KIAA1958: variants seen among roughly 807,000 people sequenced by gnomAD.
KIAA1958 encodes uncharacterized protein KIAA1958.
A neutral mutation model predicts 47.2 loss-of-function variants in KIAA1958; 14 were observed. The observed-to-expected ratio is 0.30, with a 90% CI of 0.20 to 0.46. The LOEUF (loss-of-function observed/expected upper bound fraction) is 0.46, where lower values mean the gene tolerates loss of function less well. KIAA1958 is among the 20% of genes least tolerant of loss of function. KIAA1958 has a pLI of 1.00. For missense variants in KIAA1958, 803 were observed against 909.2 expected (o/e 0.88, Z 1.50); for synonymous variants, 354 against 353.3 (o/e 1.00, Z -0.02).
Position 112,623,824 on chromosome 9 carries a change from A to T in KIAA1958, c.1172-21826A>T, listed in dbSNP as rs114305030. The stretch of plus-strand genomic sequence containing the variant: ...GGTCTAGGCAGAGGGACTGCCTATA[A>T]GCCAGTATCGATTGCCATTGACCAG... On this transcript the variant is annotated intron_variant, in intron 2 of 3. Transcript: ENST00000337530. 5.9e-3 allele frequency among the ~76,000 whole-genome samples: 905 copies of T among 152,332 alleles called. 14 individuals carry two copies. The highest frequency in any genetic ancestry group is 0.02 in the African/African-American group (849 of 41,568).
intron 1 of KIAA1958, among the ~76,000 whole-genome samples, chr9:112,494,743 C>T (rs1834023666): frequency 6.6e-6 from 1 of 152,140 alleles, no homozygotes. Context: ...GCTGGGATTA[C>T]AGGTGTGAGC....
chr9:112,646,460 G>A (rs1203828968), intron 3 of KIAA1958, among the ~76,000 whole-genome samples: 1 of 152,244 alleles, frequency 6.6e-6, no homozygotes, highest in Non-Finnish European at 1.5e-5. Flanking sequence ...AGTTGTTTGA[G>A]AGAGAAGAAA....
rs150785523 is a variant in KIAA1958, at chr9:112,564,222, C to G, written c.-24-9835C>G. Among the ~76,000 whole-genome samples, 332 of 152,232 alleles carry G rather than the reference C, an allele frequency of 2.2e-3. 2 individuals carry two copies. Among genetic ancestry groups the G allele is most frequent in the African/African-American group, 7.6e-3 (314 of 41,548 alleles). On this transcript the variant is annotated intron_variant, in intron 1 of 3. Transcript: ENST00000337530. ...TGCATAATTTTTGTGTTATTTCTTC[C>G]TTGAATATTTGATAGAATTTACCAG...
intron 2 of KIAA1958, among the ~76,000 whole-genome samples, chr9:112,595,655 G>A (rs1486892233): frequency 8.6e-5 from 12 of 139,382 alleles, no homozygotes; most frequent in Non-Finnish European, 1.5e-5. Context: ...TCCAACCTGG[G>A]CGACAGAGTG....
chr9:112,567,690 G>C (rs943849324), intron 1 of KIAA1958, among the ~76,000 whole-genome samples: 5 of 152,014 alleles, frequency 3.3e-5, no homozygotes, highest in African/African-American at 1.2e-4. Flanking sequence ...CAGGTATGGT[G>C]GCTGACACCT....
chr9:112,566,138 C>T (rs1426707225), intron 1 of KIAA1958, among the ~76,000 whole-genome samples: 6 of 152,016 alleles, frequency 3.9e-5, no homozygotes, highest in Admixed American at 2.0e-4. Flanking sequence ...CTCCTGACCT[C>T]GTGATCTGCC....
intron 2 of KIAA1958, among the ~76,000 whole-genome samples, chr9:112,616,982 A>T (rs1181205301): frequency 1.3e-5 from 2 of 152,236 alleles, no homozygotes; most frequent in Non-Finnish European, 2.9e-5. Context: ...CTGCATTTTG[A>T]TCAAGCATCC....
At position 112,618,930 on chromosome 9, in the gene KIAA1958, G is replaced by A; in HGVS notation, c.1172-26720G>A. On this transcript the variant is annotated intron_variant, in intron 2 of 3. Coordinates refer to ENST00000337530, the MANE Select transcript of KIAA1958 (RefSeq NM_133465.4). The surrounding 1 kb of genome is among the most constrained non-coding windows in gnomAD (Gnocchi z 7.1). ...GACACCGCTTGACCAGGTGGCTTGA[G>A]CAAGACTCCAGTTTGGTTACTGTGT... is the stretch of plus-strand genomic sequence containing the variant. The A allele has an allele frequency of 6.6e-7, 1 of 1,508,320 alleles. No homozygotes were observed. The highest frequency in any genetic ancestry group is 8.9e-7 in the Non-Finnish European group (1 of 1,118,866). The allele number at this position is 1,508,320 out of a possible 1,614,324, so 93.4% of individuals were successfully genotyped here.
chr9:112,648,489 GA>G (rs1191464528), intron 3 of KIAA1958, among the ~76,000 whole-genome samples: 2 of 152,146 alleles, frequency 1.3e-5, no homozygotes, highest in Non-Finnish European at 2.9e-5. Flanking sequence ...GGCTGACAAA[GA>G]ACTGCCTGAA....
At chr9:112,635,135 A>G (rs1052497228) in intron 2 of KIAA1958, among the ~76,000 whole-genome samples, 1 of 151,420 alleles carries the variant, frequency 6.6e-6, no homozygotes, top group African/African-American at 2.4e-5. Flanking sequence ...TTTTCTGTTC[A>G]CTAGCAGAGT....
chr9:112,569,772 CTCCAT>C (rs1835501733), intron 1 of KIAA1958, among the ~76,000 whole-genome samples: 1 of 152,054 alleles, frequency 6.6e-6, no homozygotes, highest in Non-Finnish European at 1.5e-5. Flanking sequence ...AGGTGTGCGC[CTCCAT>C]GCCTGACTAA....
chr9:112,557,640 T>C (rs1008400389), intron 1 of KIAA1958, among the ~76,000 whole-genome samples: 1 of 152,104 alleles, frequency 6.6e-6, no homozygotes, highest in South Asian at 2.1e-4. Flanking sequence ...CCAGGACCAC[T>C]GATGAACCTA....
At chr9:112,521,655 T>G (rs62567853) in intron 1 of KIAA1958, among the ~76,000 whole-genome samples, 2 of 152,112 alleles carry the variant, frequency 1.3e-5, no homozygotes, top group African/African-American at 4.8e-5. Flanking sequence ...AGATTTTCTT[T>G]GTGGCATATT....
intron 2 of KIAA1958, among the ~76,000 whole-genome samples, chr9:112,604,438 C>G (rs1203042452): frequency 6.6e-6 from 1 of 152,136 alleles, no homozygotes; most frequent in African/African-American, 2.4e-5. Context: ...ATGGCTTCTC[C>G]TTTAGAGAAG....
At chr9:112,647,475 CAAA>C (rs910247876) in intron 3 of KIAA1958, among the ~76,000 whole-genome samples, 1 of 150,408 alleles carries the variant, frequency 6.6e-6, no homozygotes, top group Non-Finnish European at 1.5e-5. Context: ...AACAAACAAA[CAAA>C]AAAAACAGCG....
intron 1 of KIAA1958, among the ~76,000 whole-genome samples, chr9:112,563,261 G>A (rs1004377843): frequency 6.6e-6 from 1 of 151,902 alleles, no homozygotes; most frequent in Non-Finnish European, 1.5e-5. Flanking sequence ...AGTCTTTAAC[G>A]TGACTTGCAA....
chr9:112,656,929 T>A (rs531056968), intron 3 of KIAA1958, among the ~76,000 whole-genome samples: 2 of 152,322 alleles, frequency 1.3e-5, no homozygotes, highest in East Asian at 3.9e-4. Context: ...TTATTCCTAA[T>A]ATGATTTAGG....
chr9:112,535,863 G>C (rs866846045), intron 1 of KIAA1958, among the ~76,000 whole-genome samples: 2 of 151,864 alleles, frequency 1.3e-5, no homozygotes, highest in Admixed American at 1.3e-4. Flanking sequence ...TCATCTACCT[G>C]TTGGCCATTT....
Position 112,618,897 on chromosome 9 carries a change from C to T in KIAA1958, c.1172-26753C>T, listed in dbSNP as rs1239048570. On this transcript the variant is annotated intron_variant, in intron 2 of 3. Coordinates refer to ENST00000337530, the MANE Select transcript of KIAA1958 (RefSeq NM_133465.4). The surrounding 1 kb of genome is among the most constrained non-coding windows in gnomAD (Gnocchi z 7.1). ...TTCATCGTCTCCGCCTCCTATGACT[C>T]TTCCTCAGACACCGCTTGACCAGGT... The T allele has an allele frequency of 1.3e-6, 2 of 1,539,638 alleles. No individual in the cohort carries two copies. Among genetic ancestry groups the T allele is most frequent in the East Asian group, 4.9e-5 (2 of 40,680 alleles).
Sources: gnomAD v4.1 joint callset for allele counts (sites outside exome capture counted in the v4.1 genomes callset) on GRCh38, gnomAD v4.1.1 for gene constraint, Gnocchi (gnomAD v3.1) non-coding constraint, MANE v1.5 for transcripts, NCBI Gene and HGNC (gene_info 2026-07-23, HGNC 2026-07-21) for gene names.